DAB1: variants seen among roughly 807,000 people sequenced by gnomAD.
DAB1 encodes the protein disabled homolog 1.
Under a neutral mutation model 64.6 loss-of-function variants are expected in DAB1, and 15 were observed. The observed-to-expected ratio is 0.23, with a 90% CI of 0.16 to 0.36. The LOEUF (loss-of-function observed/expected upper bound fraction) is 0.36, where lower values mean the gene tolerates loss of function less well. Among genes scored for constraint, DAB1 ranks in the 10% least tolerant of loss-of-function variants. The pLI is 1.00. For missense variants in DAB1, 596 were observed against 706.7 expected, an observed-to-expected ratio of 0.84 and a Z score of 1.78; for synonymous variants, 235 against 251.9, an observed-to-expected ratio of 0.93 and a Z score of 0.64.
At chr1:58,086,206 G>A (rs895432291) in intron 5 of DAB1, among the ~76,000 whole-genome samples, 27 of 151,452 alleles carry the variant, frequency 1.8e-4, no homozygotes, top group African/African-American at 4.6e-4. Context: ...CTCGTGATCC[G>A]CCCGCCTCGG....
chr1:58,317,230 G>A (rs970547400), intron 4 of DAB1, among the ~76,000 whole-genome samples: 2 of 152,226 alleles, frequency 1.3e-5, no homozygotes, highest in Non-Finnish European at 2.9e-5. Context: ...CATGGGAGCT[G>A]AGTGTTTGGT....
At chr1:58,048,582 C>T (rs1468123071) in intron 5 of DAB1, 3 of 1,006,708 alleles carry the variant, frequency 3.0e-6, no homozygotes, top group Admixed American at 3.5e-5. Context: ...CCACTGCCAC[C>T]ATATCCACTG....
chr1:57,140,565 TAG>T (rs1461263744), intron 3 of DAB1, among the ~76,000 whole-genome samples: 2 of 152,132 alleles, frequency 1.3e-5, no homozygotes, highest in Non-Finnish European at 2.9e-5. Context: ...TGAAAATAGC[TAG>T]GTAGAACCAA....
chr1:57,035,223 G>A (rs1647102824), intron 9 of DAB1, among the ~76,000 whole-genome samples: 3 of 152,168 alleles, frequency 2.0e-5, no homozygotes, highest in Admixed American at 2.0e-4. Flanking sequence ...GCAATTTATG[G>A]CAGAGCCCCT....
chr1:57,391,046 T>C (rs1392443563), intron 1 of DAB1, among the ~76,000 whole-genome samples: 1 of 152,166 alleles, frequency 6.6e-6, no homozygotes, highest in Non-Finnish European at 1.5e-5. Context: ...GAAGCTTAAT[T>C]AATACCTCAC....
chr1:57,151,606 T>C (rs1659670661), intron 2 of DAB1, among the ~76,000 whole-genome samples: 4 of 152,080 alleles, frequency 2.6e-5, no homozygotes, highest in Admixed American at 6.5e-5. Context: ...TAAGATGATA[T>C]TTCTCAGACT....
chr1:58,414,550 T>G (rs1644699697), intron 3 of DAB1, among the ~76,000 whole-genome samples: 1 of 152,222 alleles, frequency 6.6e-6, no homozygotes, highest in Non-Finnish European at 1.5e-5. Context: ...TTCATGTTTC[T>G]TGAATGAATG....
At chr1:57,762,071 C>T (rs530852925) in intron 6 of DAB1, among the ~76,000 whole-genome samples, 76 of 152,230 alleles carry the variant, frequency 5.0e-4, no homozygotes, top group African/African-American at 1.8e-3. Flanking sequence ...AGCCTTGGTT[C>T]CCTGGACTTT....
intron 3 of DAB1, among the ~76,000 whole-genome samples, chr1:58,375,632 C>T (rs1644316711): frequency 6.9e-6 from 1 of 143,916 alleles, no homozygotes; most frequent in African/African-American, 2.6e-5. Flanking sequence ...GGATATTGGT[C>T]TAAAATTCTC....
chr1:57,563,334 C>T (rs11583368), intron 7 of DAB1, among the ~76,000 whole-genome samples: 15 of 152,158 alleles, frequency 9.9e-5, no homozygotes, highest in Non-Finnish European at 1.6e-4. Context: ...CAAATAGGAA[C>T]AGCGCCAGTC....
At chr1:58,298,457 A>T (rs527535884) in intron 4 of DAB1, among the ~76,000 whole-genome samples, 1 of 152,340 alleles carries the variant, frequency 6.6e-6, no homozygotes, top group East Asian at 1.9e-4. Flanking sequence ...ATGGGGTATA[A>T]ACAAATTATC....
At chr1:57,903,990 G>A (rs17579464) in intron 5 of DAB1, among the ~76,000 whole-genome samples, 36,288 of 152,088 alleles carry the variant, frequency 0.24, 4,889 homozygotes, top group Non-Finnish European at 0.29. Context: ...GTCACATGTA[G>A]CTGAATTTAC....
chr1:58,386,260 A>G (rs541659756), intron 3 of DAB1, among the ~76,000 whole-genome samples: 1 of 152,292 alleles, frequency 6.6e-6, no homozygotes, highest in African/African-American at 2.4e-5. Context: ...TCTCAGTTTA[A>G]TGGGAATTAA....
At chr1:58,472,235 C>CT (rs1187278587) in intron 3 of DAB1, among the ~76,000 whole-genome samples, 2 of 152,126 alleles carry the variant, frequency 1.3e-5, no homozygotes, top group South Asian at 4.1e-4. Flanking sequence ...CCATGGAGTG[C>CT]TACTCACATG....
At chr1:57,275,989 G>A (rs1368768740) in intron 2 of DAB1, among the ~76,000 whole-genome samples, 2 of 151,220 alleles carry the variant, frequency 1.3e-5, no homozygotes, top group Non-Finnish European at 2.9e-5. Context: ...TTGAGAGAGA[G>A]GTTTTGTGAG....
intron 1 of DAB1, chr1:57,873,910 C>G (rs1643997547): frequency 6.6e-6 from 1 of 152,230 alleles, no homozygotes; most frequent in South Asian, 2.1e-4. Flanking sequence ...AGACTGAACA[C>G]TCTAGAGTCC....
intron 1 of DAB1, among the ~76,000 whole-genome samples, chr1:57,317,105 G>A (rs1675277407): frequency 6.6e-6 from 1 of 152,250 alleles, no homozygotes; most frequent in African/African-American, 2.4e-5. Context: ...ATATTTGTGA[G>A]CCACCCTATC....
At chr1:57,361,302 T>C (rs1359467832) in intron 1 of DAB1, among the ~76,000 whole-genome samples, 1 of 152,110 alleles carries the variant, frequency 6.6e-6, no homozygotes, top group Non-Finnish European at 1.5e-5. Context: ...CAGAAAGAGA[T>C]GAAGCTGAAA....
intron 5 of DAB1, among the ~76,000 whole-genome samples, chr1:57,945,428 G>GTTATTA (rs143711609): frequency 0.4 from 49,259 of 123,612 alleles, 9,743 homozygotes; most frequent in Admixed American, 0.49. Context: ...CTTGCTAATT[G>GTTATTA]TTATTATTAT....
Sources: allele counts gnomAD v4.1 joint callset (sites outside exome capture counted in the v4.1 genomes callset), GRCh38; gene constraint gnomAD v4.1.1; transcripts MANE v1.5; gene names NCBI Gene and HGNC (gene_info 2026-07-23, HGNC 2026-07-21).